The following UTRN variants were observed in gnomAD, a reference collection of about 807,000 sequenced individuals.
UTRN encodes the protein utrophin.
A neutral mutation model predicts 463.9 loss-of-function variants in UTRN; 283 were observed. That is an observed-to-expected ratio of 0.61 (90% CI 0.55 to 0.67). The LOEUF (loss-of-function observed/expected upper bound fraction) is 0.67. Ranked by LOEUF, UTRN falls within the 30% of genes least tolerant of loss-of-function variation. UTRN has a pLI of 0.00. For missense variants in UTRN, 3,922 were observed against 4,084.3 expected (o/e 0.96, Z 1.08); for synonymous variants, 1,442 against 1,431.5 (o/e 1.01, Z -0.17).
intron 33 of UTRN, among the ~76,000 whole-genome samples, chr6:144,496,204 G>A (rs2128582146): frequency 6.6e-6 from 1 of 152,264 alleles, no homozygotes; most frequent in Middle Eastern, 3.4e-3. Context: ...ATAGTATTTT[G>A]GATCCTCCTT....
chr6:144,820,259 C>T (rs1401029562), intron 65 of UTRN, among the ~76,000 whole-genome samples: 1 of 152,018 alleles, frequency 6.6e-6, no homozygotes, highest in South Asian at 2.1e-4. Flanking sequence ...ACATTTTATA[C>T]CACTATTAAA....
intron 2 of UTRN, among the ~76,000 whole-genome samples, chr6:144,353,910 C>T (rs571503183): frequency 6.6e-6 from 1 of 152,270 alleles, no homozygotes; most frequent in Admixed American, 6.5e-5. Context: ...ATAAATGACT[C>T]AGTGAACATT....
intron 51 of UTRN, among the ~76,000 whole-genome samples, chr6:144,627,536 T>A (rs1776072911): frequency 6.6e-6 from 1 of 151,622 alleles, no homozygotes; most frequent in African/African-American, 2.4e-5. Flanking sequence ...GTGGTGCAAC[T>A]ATCACCATTA....
chr6:144,802,910 C>T, intron 64 of UTRN, 126 bp from the exon 65 acceptor site: 1 of 516,066 alleles, frequency 1.9e-6, no homozygotes, highest in Non-Finnish European at 3.1e-6. Flanking sequence ...AAGCATGTTT[C>T]AGAGACTTGA....
At chr6:144,405,808 C>G (rs781087001) in intron 3 of UTRN, among the ~76,000 whole-genome samples, 6 of 152,186 alleles carry the variant, frequency 3.9e-5, no homozygotes, top group Non-Finnish European at 7.3e-5. Context: ...TCAAAATTGT[C>G]CACTTACTCT....
At chr6:144,531,863 C>T (rs777761550) in intron 42 of UTRN, among the ~76,000 whole-genome samples, 5 of 152,110 alleles carry the variant, frequency 3.3e-5, no homozygotes, top group South Asian at 4.1e-4. Context: ...TGTGGCCGGG[C>T]GCGGTGCCTC....
chr6:144,724,757 T>C (rs1787669708), intron 53 of UTRN, among the ~76,000 whole-genome samples: 2 of 152,342 alleles, frequency 1.3e-5, no homozygotes, highest in South Asian at 2.1e-4. Flanking sequence ...ATAGCACATA[T>C]CAGTATTTCA....
chr6:144,605,677 A>ATTT (rs11370145), intron 51 of UTRN, among the ~76,000 whole-genome samples: 20,911 of 139,540 alleles, frequency 0.15, 1,727 homozygotes, highest in South Asian at 0.26. Context: ...TGTGGGTGCC[A>ATTT]TTTTTTTTTT....
chr6:144,295,645 A>T (rs1584169233), intron 2 of UTRN, among the ~76,000 whole-genome samples: 1 of 152,136 alleles, frequency 6.6e-6, no homozygotes, highest in Admixed American at 6.5e-5. Context: ...ACGCCCTATA[A>T]CCCAGCCATT....
chr6:144,508,994 A>G (rs879626342), intron 34 of UTRN, among the ~76,000 whole-genome samples: 1 of 152,170 alleles, frequency 6.6e-6, no homozygotes, highest in African/African-American at 2.4e-5. Flanking sequence ...ACTGCAGTTA[A>G]TGGGTTCCCT....
At chr6:144,601,672 C>T (rs1194218439) in intron 51 of UTRN, among the ~76,000 whole-genome samples, 2 of 152,126 alleles carry the variant, frequency 1.3e-5, no homozygotes, top group African/African-American at 4.8e-5. Context: ...ATTTAGAATA[C>T]TACACAAACT....
chr6:144,797,189 A>ATT (rs5880614), intron 63 of UTRN, among the ~76,000 whole-genome samples: 6 of 142,046 alleles, frequency 4.2e-5, no homozygotes, highest in Non-Finnish European at 7.7e-5. Flanking sequence ...CTTAGATGAA[A>ATT]TTTTTTTTTT....
In UTRN at chr6:144,789,353, AATT is replaced by A. The variant is rs1293410353; in HGVS notation, c.8920+77_8920+79del. On this transcript the variant is annotated intron_variant, in intron 62 of 74. Coordinates refer to ENST00000367545, the MANE Select transcript of UTRN (RefSeq NM_007124.3). ...ATTATAACAATTTATTGGAAACTTA[AATT>A]ATATAATTTGTTAGTAGTAATAGTT... 1.7e-5 allele frequency: 22 copies of A among 1,267,828 alleles called. No homozygotes were observed. In the Admixed American group the frequency reaches 4.4e-4, roughly 25 times the overall value. 78.5% of individuals were successfully genotyped at this position (1,267,828 alleles called of 1,614,324 possible). A position where few individuals can be genotyped will look rare whatever the true frequency, so the allele number is the denominator to read the frequency against.
intron 2 of UTRN, among the ~76,000 whole-genome samples, chr6:144,309,481 A>G (rs1401281888): frequency 6.6e-6 from 1 of 152,194 alleles, no homozygotes; most frequent in Non-Finnish European, 1.5e-5. Context: ...CAATTGCCCC[A>G]GTTTTGGAGT....
intron 2 of UTRN, among the ~76,000 whole-genome samples, chr6:144,381,468 A>G (rs1256879437): frequency 2.6e-5 from 4 of 152,124 alleles, no homozygotes; most frequent in Admixed American, 1.3e-4. Context: ...CTGTGCTGCA[A>G]TGTCTTTGTA....
chr6:144,847,567 G>GT (rs1426530540), intron 74 of UTRN, among the ~76,000 whole-genome samples: 2 of 152,264 alleles, frequency 1.3e-5, no homozygotes, highest in African/African-American at 2.4e-5. Context: ...TATGCCTAGA[G>GT]TAGAAGAAGC....
intron 43 of UTRN, among the ~76,000 whole-genome samples, chr6:144,536,936 T>C (rs1797590193): frequency 6.6e-6 from 1 of 152,104 alleles, no homozygotes; most frequent in Non-Finnish European, 1.5e-5. Context: ...CTGTTTTCCT[T>C]GCATCATTTA....
chr6:144,494,249 G>A (rs1793361596), intron 33 of UTRN, among the ~76,000 whole-genome samples: 1 of 152,054 alleles, frequency 6.6e-6, no homozygotes, highest in Admixed American at 6.6e-5. Flanking sequence ...GTTCGGATGT[G>A]CTTGGAGTTT....
intron 2 of UTRN, among the ~76,000 whole-genome samples, chr6:144,311,343 G>C (rs746232642): frequency 6.6e-6 from 1 of 152,192 alleles, no homozygotes; most frequent in Non-Finnish European, 1.5e-5. Flanking sequence ...AGTTTGGGGG[G>C]TGGGACTGGC....
Sources: allele counts gnomAD v4.1 joint callset (sites outside exome capture counted in the v4.1 genomes callset), GRCh38; gene constraint gnomAD v4.1.1; transcripts MANE v1.5; gene names NCBI Gene and HGNC (gene_info 2026-07-23, HGNC 2026-07-21).